Variants in IFT74 observed in about 807,000 individuals in gnomAD.
IFT74 encodes the protein intraflagellar transport protein 74 homolog.
Under a neutral mutation model 96.7 loss-of-function variants are expected in IFT74, and 92 were observed. The observed-to-expected ratio is 0.95, with a 90% CI of 0.80 to 1.13. The LOEUF is 1.13. Among genes scored for constraint, IFT74 ranks in the 50% most tolerant of loss-of-function variants. The pLI, the probability that IFT74 is intolerant of heterozygous loss-of-function variation, is 0.00. For synonymous variants in IFT74, 223 were observed against 213.2 expected (o/e 1.05, Z -0.40); for missense variants, 811 against 698.2 (o/e 1.16, Z -1.82).
rs193237591 is a variant in IFT74, at chr9:27,063,690, C to T, written c.*954C>T. Among the ~76,000 whole-genome samples, 17 of 152,052 alleles carry T rather than the reference C, an allele frequency of 1.1e-4. No individual in the cohort carries two copies. Among genetic ancestry groups the T allele is most frequent in the African/African-American group, 3.4e-4 (14 of 41,418 alleles). On this transcript the variant is annotated 3_prime_UTR_variant, in exon 20 of 20. Transcript: ENST00000380062. Reference sequence around the variant, plus strand: ...CTACTTTTCAGTATTTCTGAAACAACACATTGATTTCTTAAACCAAAATAG... The same window carrying T: ...CTACTTTTCAGTATTTCTGAAACAATACATTGATTTCTTAAACCAAAATAG...
At chr9:27,015,701 G>A (rs1829305621) in intron 10 of IFT74, among the ~76,000 whole-genome samples, 1 of 152,124 alleles carries the variant, frequency 6.6e-6, no homozygotes, top group African/African-American at 2.4e-5. Context: ...TGTAGGTCCG[G>A]TTTCAAATGT....
In IFT74 at chr9:27,044,730, T is replaced by C. The variant is rs1819621725; in HGVS notation, c.1055-12T>C. ...TTTTTGAAATTCATGTTGTATTTTA[T>C]ATCTCTCATAGGTGAAATGAACCAG... On this transcript the variant is annotated splice_polypyrimidine_tract_variant and intron_variant, in intron 13 of 19. Transcript: ENST00000380062. 1 of 1,527,532 alleles carries C rather than the reference T, an allele frequency of 6.5e-7. No individual in the cohort carries two copies. The highest frequency in any genetic ancestry group is 9.0e-7 in the Non-Finnish European group (1 of 1,117,082). 94.6% of individuals were successfully genotyped at this position (1,527,532 alleles called of 1,614,324 possible).
Position 27,016,932 on chromosome 9 carries a change from A to G in IFT74, c.815A>G (p.Gln272Arg). Residue 272 changes from glutamine (Q) to arginine (R), a missense_variant, in exon 11 of 20, where the codon CAG becomes CGG. Coordinates refer to ENST00000380062, the MANE Select transcript of IFT74 (RefSeq NM_025103.4). ...GAAATAGCTCACTCCCAGGTGAAAC[A>G]GGAGGCGGTATTGCTGCATGAAAAA... is the stretch of plus-strand genomic sequence containing the variant. ...EAEIAHSQVK[Q>R]EAVLLHEKLY... is the part of the protein sequence containing the mutation. 6.2e-7 allele frequency: 1 copy of G among 1,607,314 alleles called. No individual in the cohort carries two copies. Among genetic ancestry groups the G allele is most frequent in the Non-Finnish European group, 8.5e-7 (1 of 1,176,938 alleles).
intron 14 of IFT74, among the ~76,000 whole-genome samples, chr9:27,046,223 G>A (rs1455855642): frequency 6.6e-6 from 1 of 152,166 alleles, no homozygotes; most frequent in Non-Finnish European, 1.5e-5. Flanking sequence ...AGACCTGTGT[G>A]AATGCTGAAG....
chr9:26,948,445 A>AT (rs1554662864), intron 1 of IFT74, among the ~76,000 whole-genome samples: 1 of 47,312 alleles, frequency 2.1e-5, no homozygotes, highest in Admixed American at 2.6e-4. Context: ...ATGGCTTTCC[A>AT]TTATTTTTTT....
At chr9:26,992,104 A>G (rs1827912424) in intron 8 of IFT74, among the ~76,000 whole-genome samples, 1 of 152,194 alleles carries the variant, frequency 6.6e-6, no homozygotes. Flanking sequence ...AGAACATTTA[A>G]GTTCTCATTT....
At chr9:26,959,922 A>C (rs1826280291) in intron 1 of IFT74, among the ~76,000 whole-genome samples, 1 of 152,216 alleles carries the variant, frequency 6.6e-6, no homozygotes, top group Admixed American at 6.5e-5. Flanking sequence ...AGCAATGTTC[A>C]GCACTTCAGA....
At position 27,029,530 on chromosome 9, in the gene IFT74, C is replaced by T. The variant is rs528355530; in HGVS notation, c.1054+426C>T. ...TGGGAAGCTGAGGCGGGCAGATCAT[C>T]GGAGGTCGGGAGTTCGAGACCAGCC... On this transcript the variant is annotated intron_variant, in intron 13 of 19. Transcript: ENST00000380062. Among the ~76,000 whole-genome samples the T allele has an allele frequency of 4.7e-4, 72 of 152,086 alleles. No homozygotes were observed. The East Asian group carries it at 6.0e-3, about 13-fold the overall frequency.
chr9:27,040,482 G>A (rs1463188239), intron 13 of IFT74, among the ~76,000 whole-genome samples: 1 of 148,076 alleles, frequency 6.8e-6, no homozygotes, highest in African/African-American at 2.5e-5. Context: ...CTGGGAGGCG[G>A]AGGTTGCAGC....
At position 27,062,688 on chromosome 9, in the gene IFT74, G is replaced by A. The variant is rs1820480544; in HGVS notation, c.1755G>A (p.Glu585=). 1 of 1,609,358 alleles carries A rather than the reference G, an allele frequency of 6.2e-7. No homozygotes were observed. The highest frequency in any genetic ancestry group is 1.7e-5 in the Admixed American group (1 of 59,284). ...AAAATGTGACCAAGCAGATTGCAGA[G>A]TACAATAAAACCATCGTGGATGCTT... ...IKKNVTKQIA[E]YNKTIVDALH... Residue 585 remains glutamate (E), a synonymous_variant, in exon 20 of 20, where the codon GAG becomes GAA. Transcript: ENST00000380062.
At chr9:27,036,279 AC>A (rs1819176680) in intron 13 of IFT74, among the ~76,000 whole-genome samples, 2 of 152,096 alleles carry the variant, frequency 1.3e-5, no homozygotes, top group South Asian at 4.2e-4. Flanking sequence ...CCAAGTTCAA[AC>A]CTCTGTTTTT....
chr9:27,013,251 G>A (rs1298295262), intron 10 of IFT74, among the ~76,000 whole-genome samples: 2 of 152,046 alleles, frequency 1.3e-5, no homozygotes, highest in South Asian at 2.1e-4. Context: ...TATCTACAGT[G>A]TCTATTTATA....
chr9:27,017,161 C>G (rs982777484), intron 11 of IFT74, 111 bp downstream of exon 11: 1 of 700,078 alleles, frequency 1.4e-6, no homozygotes, highest in Non-Finnish European at 2.2e-6. Flanking sequence ...AGTGTATTGT[C>G]TAAAAATAGT....
At chr9:27,027,483 T>A (rs1158872423) in intron 12 of IFT74, among the ~76,000 whole-genome samples, 1 of 152,176 alleles carries the variant, frequency 6.6e-6, no homozygotes, top group Non-Finnish European at 1.5e-5. Flanking sequence ...CACTTGTTAT[T>A]ATCTCTTTTT....
Position 27,055,732 on chromosome 9 carries a change from A to C in IFT74, c.1457A>C (p.Asp486Ala). The C allele has an allele frequency of 1.3e-6, 2 of 1,566,910 alleles. No homozygotes were observed. The highest frequency in any genetic ancestry group is 1.7e-6 in the Non-Finnish European group (2 of 1,162,494). Residue 486 changes from aspartate to alanine, a missense_variant, in exon 17 of 20, where the codon GAT (aspartate) becomes GCT (alanine). Transcript: ENST00000380062. ...QMTTDLEIYNDLPALKSSGEE... is the reference protein window; with the variant it reads ...QMTTDLEIYNALPALKSSGEE... ...ACAACTGATCTGGAGATATATAATGATTTGCCAGCTTTAAAATCATCAGGT... is the reference window on the plus strand; with the variant it reads ...ACAACTGATCTGGAGATATATAATGCTTTGCCAGCTTTAAAATCATCAGGT...
At chr9:27,015,511 C>T (rs1391444569) in intron 10 of IFT74, among the ~76,000 whole-genome samples, 1 of 152,058 alleles carries the variant, frequency 6.6e-6, no homozygotes, top group Non-Finnish European at 1.5e-5. Flanking sequence ...GTGGCAGGCG[C>T]CTATAATCCC....
chr9:27,065,809 A>G lies in IFT74; in HGVS notation c.*3073A>G, dbSNP rs1820588515. ...ATGTTTAGACTCAAAGTAAGAAGAA[A>G]TAAAGATGGACCACTAGAGAATTGT... is the stretch of plus-strand genomic sequence containing the variant. On this transcript the variant is annotated 3_prime_UTR_variant, in exon 20 of 20. Transcript: ENST00000380062. Among the ~76,000 whole-genome samples, 2 of 152,364 alleles carry G rather than the reference A, an allele frequency of 1.3e-5. No individual in the cohort carries two copies. Among genetic ancestry groups the G allele is most frequent in the South Asian group, 4.1e-4 (2 of 4,830 alleles).
rs896494749 is a variant in IFT74 at position 27,060,803 on chromosome 9, C to CA, written c.1684+160dup. On this transcript the variant is annotated intron_variant, in intron 19 of 19. Transcript: ENST00000380062. ...GAAACCCCATCTCTACTAAAAAATACAAAAAAAACATAGCCGGGCGTGGTG... is the reference window on the plus strand; with the variant it reads ...GAAACCCCATCTCTACTAAAAAATACAAAAAAAAACATAGCCGGGCGTGGTG... The CA allele has an allele frequency of 6.3e-4, 291 of 461,002 alleles. 2 individuals are homozygous for CA. The highest frequency in any genetic ancestry group is 6.2e-4 in the Middle Eastern group (1 of 1,618). 28.6% of individuals were successfully genotyped at this position (461,002 alleles called of 1,614,324 possible). A position where few individuals can be genotyped will look rare whatever the true frequency, so the allele number is the denominator to read the frequency against.
At position 26,980,559 on chromosome 9, in the gene IFT74, ATTT is replaced by A; in HGVS notation, c.257-5_257-3del. On this transcript the variant is annotated splice_polypyrimidine_tract_variant and intron_variant, in intron 3 of 19. Coordinates refer to ENST00000380062, the MANE Select transcript of IFT74 (RefSeq NM_025103.4). ...CGAACTGAACACTAACACTTAAAACATTTTTTTTTAGGTCCCCAGAGGCAAATT... is the reference window on the plus strand; with the variant it reads ...CGAACTGAACACTAACACTTAAAACATTTTTTAGGTCCCCAGAGGCAAATT... 6.5e-7 allele frequency: 1 copy of A among 1,538,454 alleles called. No individual in the cohort carries two copies. Among genetic ancestry groups the A allele is most frequent in the Non-Finnish European group, 8.9e-7 (1 of 1,118,480 alleles).
Sources: allele counts gnomAD v4.1 joint callset (sites outside exome capture counted in the v4.1 genomes callset), GRCh38; gene constraint gnomAD v4.1.1; transcripts MANE v1.5; gene names NCBI Gene and HGNC (gene_info 2026-07-23, HGNC 2026-07-21).